The following STK31 variants were observed in gnomAD, a reference collection of about 807,000 sequenced individuals.
STK31 encodes the protein serine/threonine kinase 31, also known as serine/threonine-protein kinase 31.
Under a neutral mutation model 129.7 loss-of-function variants are expected in STK31, and 89 were observed. The observed-to-expected ratio is 0.69, with a 90% CI of 0.58 to 0.82. STK31 has a LOEUF of 0.82. Among genes scored for constraint, STK31 ranks in the 40% least tolerant of loss-of-function variants. STK31 has a pLI of 0.00. For synonymous variants in STK31, 448 were observed against 395.3 expected, an observed-to-expected ratio of 1.13 and a Z score of -1.58; for missense variants, 1,187 against 1,176.4, an observed-to-expected ratio of 1.01 and a Z score of -0.13.
Position 23,772,259 on chromosome 7 carries a change from A to G in STK31, c.1946A>G (p.Glu649Gly), listed in dbSNP as rs1790248272. The change falls in exon 15 of 24, where the codon GAA becomes GGA. Residue 649 changes from glutamate (E) to glycine (G), a missense_variant. By Grantham distance (98) the Glu-to-Gly change is moderately conservative. Coordinates refer to ENST00000355870, the MANE Select transcript of STK31 (RefSeq NM_031414.5). ...GCTCTACTCAGATGGAAATTGGTTGAAAAGAGTAATTTGGAAGAGGTAAGG... is the reference window on the plus strand; with the variant it reads ...GCTCTACTCAGATGGAAATTGGTTGGAAAGAGTAATTTGGAAGAGGTAAGG... ...LKALLRWKLVEKSNLEESDDP... is the reference protein window; with the variant it reads ...LKALLRWKLVGKSNLEESDDP... 5.0e-6 allele frequency: 8 copies of G among 1,605,222 alleles called. No individual in the cohort carries two copies. The highest frequency in any genetic ancestry group is 6.8e-6 in the Non-Finnish European group (8 of 1,177,106).
At chr7:23,811,959 A>G (rs1204799940) in intron 22 of STK31, among the ~76,000 whole-genome samples, 1 of 152,154 alleles carries the variant, frequency 6.6e-6, no homozygotes, top group African/African-American at 2.4e-5. Flanking sequence ...TTTGGTTTGG[A>G]TCATCATATA....
rs1477783384 is a variant in STK31 at position 23,769,112 on chromosome 7, G to A, written c.1534G>A (p.Val512Ile). 1 of 1,612,868 alleles carries A rather than the reference G, an allele frequency of 6.2e-7. No individual in the cohort carries two copies. The highest frequency in any genetic ancestry group is 8.5e-7 in the Non-Finnish European group (1 of 1,179,348). Reference sequence around the variant, plus strand: ...TGATAAAAGAGAGGAGTTCACCAGTGTTAGAAGTGAAACAGACGCTTCTCT... The same window carrying A: ...TGATAAAAGAGAGGAGTTCACCAGTATTAGAAGTGAAACAGACGCTTCTCT... ...KCDKREEFTS[V>I]RSETDASLHR... The change falls in exon 12 of 24, where the codon GTT becomes ATT. Residue 512 changes from valine to isoleucine, a missense_variant. Coordinates refer to ENST00000355870, the MANE Select transcript of STK31 (RefSeq NM_031414.5).
intron 8 of STK31, among the ~76,000 whole-genome samples, chr7:23,737,630 A>G (rs377012069): frequency 6.6e-6 from 1 of 152,240 alleles, no homozygotes; most frequent in African/African-American, 2.4e-5. Flanking sequence ...CATGAATGCC[A>G]CATGATTGTA....
In STK31 at chr7:23,710,259, C is replaced by T. The variant is rs771602595; in HGVS notation, c.-27C>T. ...GCGGTAAGCCGCTGCACGTGTGCTA[C>T]GGCGGGCGGAGGGCCGAAAGTCCAG... On this transcript the variant is annotated 5_prime_UTR_variant, in exon 1 of 24. It adds an upstream start codon to the 5' untranslated region. Transcript: ENST00000355870. The T allele has an allele frequency of 4.4e-6, 7 of 1,602,680 alleles. No homozygotes were observed. The highest frequency in any genetic ancestry group is 4.5e-5 in the East Asian group (2 of 44,568).
At chr7:23,813,645 G>C (rs909851834) in intron 22 of STK31, among the ~76,000 whole-genome samples, 8 of 152,040 alleles carry the variant, frequency 5.3e-5, no homozygotes. Flanking sequence ...CGTGCTGCTG[G>C]GCCTCCAGTG....
intron 22 of STK31, among the ~76,000 whole-genome samples, chr7:23,807,303 A>T (rs1792770418): frequency 6.6e-6 from 1 of 152,114 alleles, no homozygotes; most frequent in African/African-American, 2.4e-5. Flanking sequence ...ATTTCTGAAG[A>T]ATATTTTCAC....
chr7:23,794,945 G>T (rs1791862899), intron 22 of STK31, among the ~76,000 whole-genome samples: 1 of 152,186 alleles, frequency 6.6e-6, no homozygotes, highest in African/African-American at 2.4e-5. Context: ...ATGTTTAAAA[G>T]GGAAGCAGAG....
intron 18 of STK31, 128 bp from the exon 19 acceptor site, chr7:23,786,380 A>G: frequency 9.5e-7 from 1 of 1,052,082 alleles, no homozygotes; most frequent in East Asian, 3.3e-5. Flanking sequence ...AAAAGTACTT[A>G]TAAAATTAAA....
At position 23,770,987 on chromosome 7, in the gene STK31, G is replaced by T; in HGVS notation, c.1714-18G>T. On this transcript the variant is annotated intron_variant, in intron 13 of 23. Transcript: ENST00000355870. Reference sequence around the variant, plus strand: ...GATATTCCTTTGTGTATAATTCTATGTGTGTGATTTCATTTAGGATCAAGG... The same window carrying T: ...GATATTCCTTTGTGTATAATTCTATTTGTGTGATTTCATTTAGGATCAAGG... The T allele has an allele frequency of 6.2e-7, 1 of 1,603,448 alleles. No homozygotes were observed. Among genetic ancestry groups the T allele is most frequent in the Non-Finnish European group, 8.5e-7 (1 of 1,175,712 alleles).
intron 23 of STK31, among the ~76,000 whole-genome samples, chr7:23,821,924 A>G (rs1365747240): frequency 6.6e-6 from 1 of 151,886 alleles, no homozygotes; most frequent in Non-Finnish European, 1.5e-5. Flanking sequence ...TTTCCCCAGT[A>G]TATGTTCTTG....
intron 6 of STK31, among the ~76,000 whole-genome samples, chr7:23,730,878 A>ATATTTTTTTT: frequency 5.0e-5 from 3 of 59,542 alleles, no homozygotes; most frequent in Admixed American, 5.4e-4. Context: ...ATATATATAT[A>ATATTTTTTTT]TTTTTTTTTT....
At chr7:23,783,319 G>C (rs1395332387) in intron 16 of STK31, among the ~76,000 whole-genome samples, 1 of 152,188 alleles carries the variant, frequency 6.6e-6, no homozygotes, top group Non-Finnish European at 1.5e-5. Flanking sequence ...TCGTCTGCCT[G>C]TTAAGCTAGG....
At chr7:23,742,867 T>G (rs1416683514) in intron 8 of STK31, among the ~76,000 whole-genome samples, 1 of 152,142 alleles carries the variant, frequency 6.6e-6, no homozygotes, top group Admixed American at 6.6e-5. Context: ...TGTTTATCAT[T>G]GTGGTTTGGT....
At chr7:23,798,758 G>A (rs2128119104) in intron 22 of STK31, among the ~76,000 whole-genome samples, 1 of 152,198 alleles carries the variant, frequency 6.6e-6, no homozygotes, top group East Asian at 1.9e-4. Context: ...AGGGCAATCA[G>A]GCAAGAGAAA....
chr7:23,714,089 G>A (rs975364956), intron 3 of STK31, among the ~76,000 whole-genome samples: 1 of 152,164 alleles, frequency 6.6e-6, no homozygotes, highest in Admixed American at 6.5e-5. Context: ...TAATCTTACG[G>A]GACTACTGTA....
intron 23 of STK31, among the ~76,000 whole-genome samples, chr7:23,827,777 G>C (rs1218697781): frequency 2.0e-5 from 3 of 151,722 alleles, no homozygotes; most frequent in Non-Finnish European, 4.4e-5. Flanking sequence ...TTTTTGGTGT[G>C]GATGTCCTTT....
intron 8 of STK31, among the ~76,000 whole-genome samples, chr7:23,752,165 A>T (rs915497785): frequency 6.6e-6 from 1 of 152,174 alleles, no homozygotes. Flanking sequence ...TTAAAAAAAG[A>T]CATAGCACCA....
chr7:23,783,664 G>A lies in STK31; in HGVS notation c.2148+1G>A. ...TGAAATAGGATTACTCAAATACATG[G>A]TAAACTTTGTTTCCCTTGCGAATTA... On this transcript the variant is annotated splice_donor_variant, in intron 17 of 23. Transcript: ENST00000355870. LOFTEE classifies it high-confidence loss of function. 6.2e-7 allele frequency: 1 copy of A among 1,607,994 alleles called. No homozygotes were observed. The highest frequency in any genetic ancestry group is 1.3e-5 in the African/African-American group (1 of 74,738).
chr7:23,762,839 G>A lies in STK31; in HGVS notation c.1332G>A (p.Met444Ile), dbSNP rs1395250770. Residue 444 changes from methionine to isoleucine, a missense_variant, in exon 11 of 24, where the codon ATG becomes ATA. Met to Ile is a conservative substitution (Grantham distance 10, BLOSUM62 1). This residue lies in a region of STK31 where 975 missense variants were observed against 934.9 expected (regional missense o/e 1.04). Coordinates refer to ENST00000355870, the MANE Select transcript of STK31 (RefSeq NM_031414.5). ...TTTTGATTGCCCAAAGAAATGAAAT[G>A]CAGCAGAAGCTGTACATGTCAGTAG... ...GNILIAQRNE[M>I]QQKLYMSVED... 3 of 1,608,586 alleles carry A rather than the reference G, an allele frequency of 1.9e-6. No individual in the cohort carries two copies. The highest frequency in any genetic ancestry group is 1.1e-5 in the South Asian group (1 of 89,420).
Sources: gnomAD v4.1 joint callset for allele counts (sites outside exome capture counted in the v4.1 genomes callset) on GRCh38, gnomAD v4.1.1 for gene constraint, gnomAD v4.1.1 regional missense constraint, MANE v1.5 for transcripts, NCBI Gene and HGNC (gene_info 2026-07-23, HGNC 2026-07-21) for gene names.